The following ARL14EPL variants were observed in gnomAD, a reference collection of about 807,000 sequenced individuals.
The protein encoded by ARL14EPL is ARF like GTPase 14 effector protein like.
Under a neutral mutation model 15.9 loss-of-function variants are expected in ARL14EPL, and 17 were observed. The observed-to-expected ratio is 1.07, with a 90% CI of 0.73 to 1.60. The LOEUF (loss-of-function observed/expected upper bound fraction) is 1.60. Ranked by LOEUF, ARL14EPL falls within the 40% of genes most tolerant of loss-of-function variation. The pLI, the probability that ARL14EPL is intolerant of heterozygous loss-of-function variation, is 0.00. For synonymous variants in ARL14EPL, 78 were observed against 63.8 expected (o/e 1.22, Z -1.06); for missense variants, 214 against 185.9 (o/e 1.15, Z -0.88).
intron 1 of ARL14EPL, among the ~76,000 whole-genome samples, chr5:116,038,030 A>AT (rs1749079734): frequency 6.6e-6 from 1 of 152,182 alleles, no homozygotes; most frequent in South Asian, 2.1e-4. Flanking sequence ...CAGGAATATT[A>AT]TGCTCCAATT....
At chr5:116,040,993 AGT>A (rs1749145520) in intron 1 of ARL14EPL, among the ~76,000 whole-genome samples, 12 of 145,268 alleles carry the variant, frequency 8.3e-5, no homozygotes, top group South Asian at 2.2e-4. Flanking sequence ...AAAAAAAAAA[AGT>A]TTTTATGCTG....
intron 1 of ARL14EPL, among the ~76,000 whole-genome samples, chr5:116,038,107 C>T (rs1464896405): frequency 6.6e-6 from 1 of 152,138 alleles, no homozygotes; most frequent in Non-Finnish European, 1.5e-5. Context: ...AAAAAAGTGC[C>T]TTATATTGCT....
At chr5:116,040,587 G>T (rs1353110335) in intron 1 of ARL14EPL, among the ~76,000 whole-genome samples, 1 of 151,168 alleles carries the variant, frequency 6.6e-6, no homozygotes, top group Non-Finnish European at 1.5e-5. Context: ...TGTGTTAAAA[G>T]TAATAGTAAA....
At chr5:116,035,198 T>C (rs965167133) in intron 1 of ARL14EPL, among the ~76,000 whole-genome samples, 3 of 152,134 alleles carry the variant, frequency 2.0e-5, no homozygotes, top group African/African-American at 7.2e-5. Context: ...TGTCTCAAGC[T>C]GGTCATTTTC....
At chr5:116,040,411 G>A (rs1232567984) in intron 1 of ARL14EPL, among the ~76,000 whole-genome samples, 1 of 151,518 alleles carries the variant, frequency 6.6e-6, no homozygotes, top group African/African-American at 2.4e-5. Context: ...TATAACAGGA[G>A]TGAAGGGAAG....
At chr5:116,039,409 A>G (rs1749107016) in intron 1 of ARL14EPL, among the ~76,000 whole-genome samples, 1 of 152,174 alleles carries the variant, frequency 6.6e-6, no homozygotes, top group East Asian at 1.9e-4. Flanking sequence ...CAAATATACT[A>G]CAAAGCAGAA....
intron 1 of ARL14EPL, among the ~76,000 whole-genome samples, chr5:116,046,879 A>T (rs1275520732): frequency 6.6e-6 from 1 of 152,140 alleles, no homozygotes; most frequent in East Asian, 1.9e-4. Context: ...TTGGGAGGTA[A>T]TTAAGTTTAA....
intron 1 of ARL14EPL, among the ~76,000 whole-genome samples, chr5:116,049,630 C>T (rs950670347): frequency 6.6e-6 from 1 of 152,110 alleles, no homozygotes; most frequent in African/African-American, 2.4e-5. Context: ...GTTTTTCAGC[C>T]CTTGCCCTCC....
intron 1 of ARL14EPL, among the ~76,000 whole-genome samples, chr5:116,037,962 G>T (rs1429730640): frequency 6.6e-6 from 1 of 152,156 alleles, no homozygotes; most frequent in Non-Finnish European, 1.5e-5. Context: ...GAGAGAAAAT[G>T]CTCTCAGTCA....
chr5:116,035,988 G>A (rs1011377269), intron 1 of ARL14EPL, among the ~76,000 whole-genome samples: 1 of 152,196 alleles, frequency 6.6e-6, no homozygotes, highest in African/African-American at 2.4e-5. Context: ...AACCTTCCAC[G>A]TCCCTCAACA....
chr5:116,051,832 C>G, intron 2 of ARL14EPL: 1 of 1,020,070 alleles, frequency 9.8e-7, no homozygotes, highest in Non-Finnish European at 1.4e-6. Context: ...AGAATATATA[C>G]AAACGTTTTT....
chr5:116,054,614 T>A lies in ARL14EPL; in HGVS notation c.236+461T>A, dbSNP rs189912144. On this transcript the variant is annotated intron_variant, in intron 3 of 3. Coordinates refer to ENST00000686077, the MANE Select transcript of ARL14EPL (RefSeq NM_001195581.2). ...TGGGAGGCCAAAGTGGGTGGATCAC[T>A]AGGTCAGGAGATCTAGACCATCCTG... 2.9e-3 allele frequency among the ~76,000 whole-genome samples: 438 copies of A among 152,232 alleles called. 1 individual carries two copies. Among genetic ancestry groups the A allele is most frequent in the South Asian group, 7.1e-3 (34 of 4,822 alleles).
chr5:116,058,385 C>A (rs1749568491), intron 3 of ARL14EPL, among the ~76,000 whole-genome samples: 1 of 152,178 alleles, frequency 6.6e-6, no homozygotes, highest in East Asian at 1.9e-4. Context: ...TAGGAGGAAG[C>A]TTTAGTTAGC....
chr5:116,034,871 G>C (rs1386756108), intron 1 of ARL14EPL, among the ~76,000 whole-genome samples: 1 of 152,164 alleles, frequency 6.6e-6, no homozygotes, highest in Non-Finnish European at 1.5e-5. Context: ...AAAAACAAAA[G>C]AAGAACCCCA....
At position 116,054,148 on chromosome 5, in the gene ARL14EPL, A is replaced by G. The variant is rs1372470442; in HGVS notation, c.231A>G (p.Lys77=). The G allele has an allele frequency of 6.5e-7, 1 of 1,534,952 alleles. No homozygotes were observed. The highest frequency in any genetic ancestry group is 2.0e-5 in the Admixed American group (1 of 50,886). Residue 77 remains lysine (K), a synonymous_variant, in exon 3 of 4, where the codon AAA becomes AAG. Coordinates refer to ENST00000686077, the MANE Select transcript of ARL14EPL (RefSeq NM_001195581.2). ...AGATGAATGAATATTTTTCTACCAA[A>G]TACAAGTAAGATTCTGACTTATTGT... ...MSKMNEYFST[K]YKIMRKYDKS...
At chr5:116,043,286 T>G (rs1463480187) in intron 1 of ARL14EPL, among the ~76,000 whole-genome samples, 2 of 152,078 alleles carry the variant, frequency 1.3e-5, no homozygotes, top group Non-Finnish European at 2.9e-5. Context: ...ATGAAGGTTT[T>G]ACTTTCTGAG....
At chr5:116,045,506 G>A (rs1749250117) in intron 1 of ARL14EPL, among the ~76,000 whole-genome samples, 1 of 152,138 alleles carries the variant, frequency 6.6e-6, no homozygotes, top group South Asian at 2.1e-4. Flanking sequence ...CAGATCCATA[G>A]TACAAATAAG....
chr5:116,051,633 G>T (rs1285126179), intron 2 of ARL14EPL, 72 bp downstream of exon 2: 7 of 1,294,508 alleles, frequency 5.4e-6, no homozygotes, highest in Non-Finnish European at 7.4e-6. Flanking sequence ...GATGCCCATG[G>T]ATGTGGGTGG....
chr5:116,050,811 T>A (rs902963053), intron 1 of ARL14EPL, among the ~76,000 whole-genome samples: 1 of 135,120 alleles, frequency 7.4e-6, no homozygotes, highest in African/African-American at 2.9e-5. Flanking sequence ...TCTCTCTCTC[T>A]CTCTTACACA....
Sources: gnomAD v4.1 joint callset for allele counts (sites outside exome capture counted in the v4.1 genomes callset) on GRCh38, gnomAD v4.1.1 for gene constraint, MANE v1.5 for transcripts, NCBI Gene and HGNC (gene_info 2026-07-23, HGNC 2026-07-21) for gene names.